Variants in CGN observed in about 807,000 individuals in gnomAD.
The protein encoded by CGN is cingulin.
In CGN, 121 loss-of-function variants were observed where a neutral mutation model predicts 157.1. That is an observed-to-expected ratio of 0.77 (90% CI 0.66 to 0.90). The LOEUF is 0.90. CGN is among the 40% of genes least tolerant of loss of function. The pLI is 0.00. For missense variants in CGN, 1,424 were observed against 1,520.9 expected, an observed-to-expected ratio of 0.94 and a Z score of 1.06; for synonymous variants, 535 against 607.5, an observed-to-expected ratio of 0.88 and a Z score of 1.76.
In CGN at chr1:151,536,322, C is replaced by T. The variant is rs750607760; in HGVS notation, c.3283C>T (p.His1095Tyr). Reference sequence around the variant, plus strand: ...CATCCAGATTGAAGACGAGCGGCAGCATGTCAATGACCAGAAAGACCAGGT... The same window carrying T: ...CATCCAGATTGAAGACGAGCGGCAGTATGTCAATGACCAGAAAGACCAGGT... ...LSIQIEDERQ[H>Y]VNDQKDQLSL... The change falls in exon 19 of 21, where the codon CAT becomes TAT. Residue 1095 changes from histidine to tyrosine, a missense_variant. Transcript: ENST00000271636. 6.2e-7 allele frequency: 1 copy of T among 1,608,270 alleles called. No homozygotes were observed.
chr1:151,527,163 C>T, intron 10 of CGN, 56 bp downstream of exon 10: 1 of 1,601,290 alleles, frequency 6.2e-7, no homozygotes, highest in Non-Finnish European at 8.5e-7. Context: ...ACCTGCCTTA[C>T]CTCTCCATGA....
At chr1:151,512,604 C>T (rs561966781) in intron 1 of CGN, among the ~76,000 whole-genome samples, 8 of 152,312 alleles carry the variant, frequency 5.3e-5, no homozygotes, top group Admixed American at 5.2e-4. Flanking sequence ...CCAGACAAGA[C>T]TGGAGGCAAA....
Position 151,524,711 on chromosome 1 carries a change from T to G in CGN, c.1439T>G (p.Leu480Trp), listed in dbSNP as rs1664629178. 1 of 1,609,460 alleles carries G rather than the reference T, an allele frequency of 6.2e-7. No individual in the cohort carries two copies. Among genetic ancestry groups the G allele is most frequent in the Non-Finnish European group, 8.5e-7 (1 of 1,179,198 alleles). The change falls in exon 8 of 21, where the codon TTG becomes TGG. Residue 480 changes from leucine to tryptophan, a missense_variant. Physicochemically the swap from Leu to Trp is moderately conservative, Grantham distance 61. Around this residue, in one of 3 missense-constraint regions of CGN, gnomAD observed 1,187 missense variants for 1,217.6 expected, o/e 0.97. Transcript: ENST00000271636. This position sits in a 1 kb window ranked among gnomAD's most constrained non-coding sequence, Gnocchi z 4.4. The part of the protein sequence containing the change: ...LETRELLEEV[L>W]EGKQRVEEQL... ...ACCCGGGAACTTCTGGAAGAGGTCT[T>G]GGAGGGGAAACAGCGAGTAGAGGAG... is the stretch of plus-strand genomic sequence containing the variant.
In CGN at chr1:151,520,314, T is replaced by C. The variant is rs369040309; in HGVS notation, c.974+48T>C. 17 of 1,572,660 alleles carry C rather than the reference T, an allele frequency of 1.1e-5. No homozygotes were observed. The African/African-American group carries it at 2.0e-4, about 19-fold the overall frequency. ...ACAGAGGCATACCCCTCCTTCTTTT[T>C]CTTCTAGCTTTGTTTCCCATCTTCC... On this transcript the variant is annotated intron_variant, in intron 3 of 20. Transcript: ENST00000271636.
chr1:151,514,601 A>T (rs540614209), intron 1 of CGN, among the ~76,000 whole-genome samples: 36 of 152,218 alleles, frequency 2.4e-4, no homozygotes, highest in African/African-American at 8.4e-4. Flanking sequence ...ACACCTGGGG[A>T]CACAGTGGTT....
At chr1:151,516,139 C>T (rs1308673288) in intron 1 of CGN, among the ~76,000 whole-genome samples, 1 of 152,212 alleles carries the variant, frequency 6.6e-6, no homozygotes, top group Non-Finnish European at 1.5e-5. Context: ...ACCTGTAGCT[C>T]TGCCTCTCCC....
At chr1:151,520,377 C>A in intron 3 of CGN, 37 bp from the exon 4 acceptor site, 1 of 1,591,686 alleles carries the variant, frequency 6.3e-7, no homozygotes, top group Non-Finnish European at 8.6e-7. Context: ...TACCTCTTTC[C>A]TCCCCTAACC....
chr1:151,515,107 A>G (rs1664380022), intron 1 of CGN, among the ~76,000 whole-genome samples: 1 of 151,818 alleles, frequency 6.6e-6, no homozygotes, highest in Admixed American at 6.6e-5. Flanking sequence ...GGTTTAAGCA[A>G]TTCTCCTGCC....
At chr1:151,522,192 C>T (rs1431357083) in intron 5 of CGN, among the ~76,000 whole-genome samples, 1 of 152,142 alleles carries the variant, frequency 6.6e-6, no homozygotes, top group Non-Finnish European at 1.5e-5. Context: ...ATTTTTTGAG[C>T]CCAGGAGGTT....
chr1:151,534,475 CAT>C (rs1571671036), intron 15 of CGN: 1 of 303,208 alleles, frequency 3.3e-6, no homozygotes, highest in African/African-American at 2.3e-5. Context: ...CAGCAGCAAA[CAT>C]ATTGTGCTGT....
intron 1 of CGN, among the ~76,000 whole-genome samples, chr1:151,517,287 C>T (rs1430416181): frequency 6.6e-6 from 1 of 152,198 alleles, no homozygotes; most frequent in Non-Finnish European, 1.5e-5. Flanking sequence ...ACTCTCCCAT[C>T]CCTGTTCCTA....
chr1:151,530,063 A>T lies in CGN; in HGVS notation c.2261A>T (p.Asp754Val). The T allele has an allele frequency of 6.2e-7, 1 of 1,614,074 alleles. No homozygotes were observed. Among genetic ancestry groups the T allele is most frequent in the South Asian group, 1.1e-5 (1 of 91,078 alleles). ...QQLKETRGLV[D>V]GGEAVEARLR... is the part of the protein sequence containing the mutation. Reference sequence around the variant, plus strand: ...CTGAAGGAGACTCGAGGTCTGGTGGATGGTGGGGAAGCGGTGGAGGCACGA... The same window carrying T: ...CTGAAGGAGACTCGAGGTCTGGTGGTTGGTGGGGAAGCGGTGGAGGCACGA... The change falls in exon 12 of 21, where the codon GAT (aspartate) becomes GTT (valine). Residue 754 changes from aspartate (D) to valine (V), a missense_variant. Physicochemically the swap from Asp to Val is radical, Grantham distance 152. This residue lies in a region of CGN where 1,187 missense variants were observed against 1,217.6 expected (regional missense o/e 0.97). Transcript: ENST00000271636.
chr1:151,529,232 C>T (rs942105165), intron 10 of CGN, 118 bp from the exon 11 acceptor site: 2 of 778,406 alleles, frequency 2.6e-6, no homozygotes, highest in Non-Finnish European at 4.1e-6. Flanking sequence ...AAACTACTTT[C>T]CAAAGTGGCC....
At chr1:151,514,168 A>G (rs536402868) in intron 1 of CGN, among the ~76,000 whole-genome samples, 1 of 152,258 alleles carries the variant, frequency 6.6e-6, no homozygotes, top group East Asian at 1.9e-4. Context: ...CCTGATCCAC[A>G]TGTCCTTGGA....
At chr1:151,526,026 C>G (rs1328193565) in intron 9 of CGN, among the ~76,000 whole-genome samples, 1 of 151,934 alleles carries the variant, frequency 6.6e-6, no homozygotes, top group Non-Finnish European at 1.5e-5. Flanking sequence ...GCGCATGCCA[C>G]TACGCCCAGC....
intron 15 of CGN, 127 bp from the exon 16 acceptor site, chr1:151,534,915 C>T: frequency 1.4e-6 from 1 of 690,768 alleles, no homozygotes; most frequent in Non-Finnish European, 2.5e-6. Flanking sequence ...CAGGCAAGTA[C>T]CAAAAGGTTA....
At position 151,530,483 on chromosome 1, in the gene CGN, T is replaced by C. The variant is rs531757666; in HGVS notation, c.2314-6T>C. 5 of 1,565,962 alleles carry C rather than the reference T, an allele frequency of 3.2e-6. No homozygotes were observed. In the African/African-American group the frequency reaches 6.8e-5, roughly 21 times the overall value. Reference sequence around the variant, plus strand: ...CTCAGTCCAACCCTGCTTCCCTACCTCCCAGGCAGAGAAACAGCAGCTGGA... The same window carrying C: ...CTCAGTCCAACCCTGCTTCCCTACCCCCCAGGCAGAGAAACAGCAGCTGGA... On this transcript the variant is annotated splice_region_variant and splice_polypyrimidine_tract_variant and intron_variant, in intron 12 of 20. Transcript: ENST00000271636.
chr1:151,524,140 A>G lies in CGN; in HGVS notation c.1269-86A>G. The G allele has an allele frequency of 7.9e-7, 1 of 1,263,834 alleles. No homozygotes were observed. Among genetic ancestry groups the G allele is most frequent in the Non-Finnish European group, 1.1e-6 (1 of 912,938 alleles). 78.3% of individuals were successfully genotyped at this position (1,263,834 alleles called of 1,614,324 possible). A position where few individuals can be genotyped will look rare whatever the true frequency, so the allele number is the denominator to read the frequency against. Reference sequence around the variant, plus strand: ...CAAGATTTGAAGGAAGGAAGTTTAAATGCATTAATAAATATGAATTAAAAT... The same window carrying G: ...CAAGATTTGAAGGAAGGAAGTTTAAGTGCATTAATAAATATGAATTAAAAT... On this transcript the variant is annotated intron_variant, in intron 6 of 20. Coordinates refer to ENST00000271636, the MANE Select transcript of CGN (RefSeq NM_020770.3). The surrounding 1 kb of genome is among the most constrained non-coding windows in gnomAD (Gnocchi z 4.4).
rs775631040 is a variant in CGN at position 151,537,285 on chromosome 1, A to G, written c.3551A>G (p.Tyr1184Cys). 1.2e-6 allele frequency: 2 copies of G among 1,614,028 alleles called. No homozygotes were observed. The highest frequency in any genetic ancestry group is 2.2e-5 in the East Asian group (1 of 44,888). The part of the protein sequence containing the change: ...LSSDEEFDSV[Y>C]DPSSIASLLT... Reference sequence around the variant, plus strand: ...TCAGATGAGGAATTCGACAGTGTCTACGATCCCTCGTCCATTGCATCACTG... The same window carrying G: ...TCAGATGAGGAATTCGACAGTGTCTGCGATCCCTCGTCCATTGCATCACTG... Residue 1184 changes from tyrosine (Y) to cysteine (C), a missense_variant, in exon 21 of 21, where the codon TAC becomes TGC. Physicochemically the swap from Tyr to Cys is radical, Grantham distance 194. Around this residue, in one of 3 missense-constraint regions of CGN, gnomAD observed 38 missense variants for 31.1 expected, o/e 1.22. Coordinates refer to ENST00000271636, the MANE Select transcript of CGN (RefSeq NM_020770.3).
Sources: allele counts gnomAD v4.1 joint callset (sites outside exome capture counted in the v4.1 genomes callset), GRCh38; gene constraint gnomAD v4.1.1; regional missense constraint gnomAD v4.1.1; non-coding constraint Gnocchi (gnomAD v3.1); transcripts MANE v1.5; gene names NCBI Gene and HGNC (gene_info 2026-07-23, HGNC 2026-07-21).